CMIP: variants seen among roughly 807,000 people sequenced by gnomAD.
The protein encoded by CMIP is c-Maf inducing protein.
Under a neutral mutation model 97.3 loss-of-function variants are expected in CMIP, and 13 were observed. The ratio of observed to expected loss-of-function variants is 0.13; its 90% CI spans 0.09 to 0.21. The LOEUF (loss-of-function observed/expected upper bound fraction) is 0.21. Ranked by LOEUF, CMIP falls within the 10% of genes least tolerant of loss-of-function variation. The pLI, the probability that CMIP is intolerant of heterozygous loss-of-function variation, is 1.00. For missense variants in CMIP, 847 were observed against 1,024.9 expected (o/e 0.83, Z 2.37); for synonymous variants, 538 against 436.3 (o/e 1.23, Z -2.91).
At chr16:81,476,327 C>A in intron 1 of CMIP, 1 of 1,464,696 alleles carries the variant, frequency 6.8e-7, no homozygotes, top group Non-Finnish European at 9.6e-7. Context: ...GTGAAGTCAC[C>A]ACCCTGATAC....
intron 1 of CMIP, among the ~76,000 whole-genome samples, chr16:81,523,281 A>G (rs932248897): frequency 5.3e-5 from 8 of 152,192 alleles, no homozygotes; most frequent in Admixed American, 5.2e-4. Flanking sequence ...GACGATGCTC[A>G]TGTGTTGGAG....
At chr16:81,451,609 T>G (rs1906220287) in intron 1 of CMIP, among the ~76,000 whole-genome samples, 1 of 152,202 alleles carries the variant, frequency 6.6e-6, no homozygotes, top group Non-Finnish European at 1.5e-5. Context: ...CTGGGGTTAT[T>G]GCTACCTGGA....
chr16:81,465,732 A>G (rs1475241783), intron 1 of CMIP, among the ~76,000 whole-genome samples: 1 of 152,238 alleles, frequency 6.6e-6, no homozygotes, highest in African/African-American at 2.4e-5. Flanking sequence ...AGAGTGACCC[A>G]GCACGGTGAG....
chr16:81,545,863 C>T (rs1045752637), intron 1 of CMIP, among the ~76,000 whole-genome samples: 1 of 152,138 alleles, frequency 6.6e-6, no homozygotes, highest in African/African-American at 2.4e-5. Context: ...GCTGAATGAG[C>T]GAGCACGGGA....
At chr16:81,546,166 G>C (rs1039840036) in intron 1 of CMIP, among the ~76,000 whole-genome samples, 1 of 152,206 alleles carries the variant, frequency 6.6e-6, no homozygotes, top group African/African-American at 2.4e-5. Flanking sequence ...GCATCCTGCT[G>C]CTGGGGCCAG....
At chr16:81,526,454 T>G (rs184715320) in intron 1 of CMIP, among the ~76,000 whole-genome samples, 40 of 152,336 alleles carry the variant, frequency 2.6e-4, no homozygotes, top group Admixed American at 8.5e-4. Context: ...GTGGATATCT[T>G]GGAATATCAT....
At chr16:81,707,146 G>GGCTA in intron 20 of CMIP, 62 bp downstream of exon 20, 1 of 1,384,666 alleles carries the variant, frequency 7.2e-7, no homozygotes, top group Non-Finnish European at 1.0e-6. Context: ...TCTGGATGCT[G>GGCTA]GTGCATCTCC....
chr16:81,630,856 C>G (rs1457108418), intron 3 of CMIP: 1 of 152,374 alleles, frequency 6.6e-6, no homozygotes, highest in Admixed American at 6.5e-5. Flanking sequence ...GGCAGGGGGC[C>G]CAGCCCACTC....
At chr16:81,523,880 A>G (rs1002717228) in intron 1 of CMIP, among the ~76,000 whole-genome samples, 3 of 152,178 alleles carry the variant, frequency 2.0e-5, no homozygotes, top group Non-Finnish European at 4.4e-5. Flanking sequence ...GCTCCCTCCA[A>G]ACGTCAAGGC....
intron 1 of CMIP, among the ~76,000 whole-genome samples, chr16:81,574,574 A>G (rs1214528323): frequency 2.0e-5 from 3 of 152,278 alleles, no homozygotes; most frequent in South Asian, 4.1e-4. Flanking sequence ...TTCAGTCACT[A>G]AAAACAGTGA....
At chr16:81,572,163 T>G (rs1394180093) in intron 1 of CMIP, among the ~76,000 whole-genome samples, 1 of 152,230 alleles carries the variant, frequency 6.6e-6, no homozygotes, top group African/African-American at 2.4e-5. Context: ...GACCTTCAGC[T>G]CCGCGTCTGA....
intron 1 of CMIP, among the ~76,000 whole-genome samples, chr16:81,563,008 C>T (rs1446390074): frequency 1.3e-5 from 2 of 152,174 alleles, no homozygotes; most frequent in African/African-American, 2.4e-5. Flanking sequence ...GATTTTAGAC[C>T]TCATCATGGT....
At chr16:81,682,901 A>G (rs569731878) in intron 10 of CMIP, among the ~76,000 whole-genome samples, 1 of 152,342 alleles carries the variant, frequency 6.6e-6, no homozygotes, top group Admixed American at 6.5e-5. Flanking sequence ...ATGGTGAAAA[A>G]AATCACCGCA....
chr16:81,533,130 T>TA (rs754394395), intron 1 of CMIP, among the ~76,000 whole-genome samples: 18 of 152,228 alleles, frequency 1.2e-4, no homozygotes, highest in Non-Finnish European at 2.1e-4. Flanking sequence ...TTCCCTGACT[T>TA]ACGTTTTTTT....
chr16:81,457,802 G>A (rs1257900446), intron 1 of CMIP, among the ~76,000 whole-genome samples: 1 of 152,206 alleles, frequency 6.6e-6, no homozygotes, highest in Non-Finnish European at 1.5e-5. Flanking sequence ...AAAACAATGT[G>A]GGGGCCTTAG....
intron 1 of CMIP, among the ~76,000 whole-genome samples, chr16:81,514,590 A>G (rs2089875282): frequency 6.6e-6 from 1 of 152,132 alleles, no homozygotes; most frequent in Non-Finnish European, 1.5e-5. Flanking sequence ...GGCTCTCAGC[A>G]CCGCATGGGC....
At chr16:81,537,530 G>A (rs563642383) in intron 1 of CMIP, among the ~76,000 whole-genome samples, 5 of 106,366 alleles carry the variant, frequency 4.7e-5, no homozygotes, top group South Asian at 6.7e-4. Flanking sequence ...GAGAGACTCC[G>A]TCTCCAAAAA....
intron 7 of CMIP, among the ~76,000 whole-genome samples, chr16:81,669,826 C>T (rs1009978081): frequency 6.6e-6 from 1 of 152,210 alleles, no homozygotes; most frequent in Non-Finnish European, 1.5e-5. Context: ...CTCTCTTGTC[C>T]CCCCAGCCTT....
intron 1 of CMIP, among the ~76,000 whole-genome samples, chr16:81,540,579 A>T (rs1460713760): frequency 6.6e-6 from 1 of 152,040 alleles, no homozygotes; most frequent in East Asian, 1.9e-4. Flanking sequence ...TTGGGATTAC[A>T]GGCGTGAGCC....
Sources: gnomAD v4.1 joint callset for allele counts (sites outside exome capture counted in the v4.1 genomes callset) on GRCh38, gnomAD v4.1.1 for gene constraint, MANE v1.5 for transcripts, NCBI Gene and HGNC (gene_info 2026-07-23, HGNC 2026-07-21) for gene names.